Variants in GLIPR1L2 observed in about 807,000 individuals in gnomAD.
GLIPR1L2 encodes the protein GLIPR1-like protein 2.
A neutral mutation model predicts 28.4 loss-of-function variants in GLIPR1L2; 21 were observed. The observed-to-expected ratio is 0.74, with a 90% CI of 0.52 to 1.06. GLIPR1L2 has a LOEUF of 1.06. Ranked by LOEUF, GLIPR1L2 falls within the 50% of genes least tolerant of loss-of-function variation. The pLI is 0.00. For synonymous variants in GLIPR1L2, 145 were observed against 139.3 expected (o/e 1.04, Z -0.29); for missense variants, 476 against 416.9 (o/e 1.14, Z -1.23).
At chr12:75,401,555 A>T (rs1340884341) in intron 1 of GLIPR1L2, among the ~76,000 whole-genome samples, 4 of 152,162 alleles carry the variant, frequency 2.6e-5, no homozygotes, top group Middle Eastern at 6.8e-3. Flanking sequence ...TTTGACAAGT[A>T]AATTATATAT....
intron 1 of GLIPR1L2, among the ~76,000 whole-genome samples, chr12:75,400,402 G>A (rs566294802): frequency 1.3e-5 from 2 of 152,252 alleles, no homozygotes; most frequent in East Asian, 1.9e-4. Context: ...GATTACAGGC[G>A]TGAGCCACCG....
chr12:75,415,417 A>G (rs2045914001), intron 3 of GLIPR1L2, among the ~76,000 whole-genome samples: 2 of 152,084 alleles, frequency 1.3e-5, no homozygotes, highest in African/African-American at 4.8e-5. Context: ...CTACAGACTG[A>G]TATTTTGGAT....
At position 75,430,922 on chromosome 12, in the gene GLIPR1L2, C is replaced by T. The variant is rs1052046429; in HGVS notation, c.796C>T (p.Leu266=). 7 of 1,535,440 alleles carry T rather than the reference C, an allele frequency of 4.6e-6. No homozygotes were observed. Among genetic ancestry groups the T allele is most frequent in the Non-Finnish European group, 6.1e-6 (7 of 1,146,400 alleles). The part of the protein sequence containing the change: ...ILLLRILCFI[L]CVITVLIVQS... ...ATTATTGAGAATATTATGTTTTATCCTGTGTGTCATAACTGTTTTGATAGT... is the reference window on the plus strand; with the variant it reads ...ATTATTGAGAATATTATGTTTTATCTTGTGTGTCATAACTGTTTTGATAGT... The change falls in exon 6 of 6, where the codon CTG becomes TTG. Residue 266 remains leucine (L), a synonymous_variant. Transcript: ENST00000550916.
chr12:75,407,102 G>A (rs1304366886), intron 1 of GLIPR1L2, among the ~76,000 whole-genome samples: 2 of 152,042 alleles, frequency 1.3e-5, no homozygotes, highest in Non-Finnish European at 2.9e-5. Flanking sequence ...AATGTAGCAA[G>A]AACCCCCTCA....
chr12:75,430,896 T>C lies in GLIPR1L2; in HGVS notation c.770T>C (p.Leu257Ser), dbSNP rs1278278413. ...TGTGATCCACTGTGCACATTCATTT[T>C]ATTATTGAGAATATTATGTTTTATC... is the stretch of plus-strand genomic sequence containing the variant. The part of the protein sequence containing the change: ...VVCDPLCTFI[L>S]LLRILCFILC... Residue 257 changes from leucine to serine, a missense_variant, in exon 6 of 6, where the codon TTA (leucine) becomes TCA (serine). Leu to Ser is a moderately radical substitution (Grantham distance 145). Transcript: ENST00000550916. 6.5e-7 allele frequency: 1 copy of C among 1,536,034 alleles called. No individual in the cohort carries two copies. The highest frequency in any genetic ancestry group is 2.4e-5 in the East Asian group (1 of 40,904).
At chr12:75,398,029 T>TAAA (rs71078728) in intron 1 of GLIPR1L2, among the ~76,000 whole-genome samples, 1 of 138,212 alleles carries the variant, frequency 7.2e-6, no homozygotes, top group Non-Finnish European at 1.6e-5. Context: ...GCTGTGGATT[T>TAAA]AAAAAAAAAA....
intron 1 of GLIPR1L2, among the ~76,000 whole-genome samples, chr12:75,404,702 C>T (rs1174936611): frequency 6.6e-6 from 1 of 151,980 alleles, no homozygotes; most frequent in Non-Finnish European, 1.5e-5. Context: ...GTATTTAACC[C>T]TTTTTAGTTT....
In GLIPR1L2 at chr12:75,408,872, TAGAG is replaced by T. The variant is rs79987080; in HGVS notation, c.235-1558_235-1555del. Among the ~76,000 whole-genome samples the T allele has an allele frequency of 8.9e-3, 1,360 of 152,108 alleles. 9 individuals carry two copies. Among genetic ancestry groups the T allele is most frequent in the Middle Eastern group, 0.017 (5 of 294 alleles). On this transcript the variant is annotated intron_variant, in intron 1 of 5. Coordinates refer to ENST00000550916, the MANE Select transcript of GLIPR1L2 (RefSeq NM_001270396.2). Reference sequence around the variant, plus strand: ...GTGTATATGTTTGTAGATACAGAGATAGAGAGATGTATAAACAGGCAATTTTTTT... The same window carrying T: ...GTGTATATGTTTGTAGATACAGAGATAGATGTATAAACAGGCAATTTTTTT...
chr12:75,428,975 T>C (rs1206091080), intron 4 of GLIPR1L2, among the ~76,000 whole-genome samples: 1 of 152,198 alleles, frequency 6.6e-6, no homozygotes. Flanking sequence ...ACAAGTTTGC[T>C]GCAGGGGTGG....
Position 75,407,079 on chromosome 12 carries a change from A to G in GLIPR1L2, c.235-3355A>G, listed in dbSNP as rs1179684040. ...CTACACTGGCCTGTCTTCAGCAAGA[A>G]TCCTGTTAGATCAATGTAGCAAGAA... On this transcript the variant is annotated intron_variant, in intron 1 of 5. Transcript: ENST00000550916. Among the ~76,000 whole-genome samples the G allele has an allele frequency of 3.9e-5, 6 of 152,156 alleles. No homozygotes were observed. In the East Asian group the frequency reaches 7.7e-4, roughly 20 times the overall value.
chr12:75,403,309 T>A (rs1160530072), intron 1 of GLIPR1L2, among the ~76,000 whole-genome samples: 1 of 152,200 alleles, frequency 6.6e-6, no homozygotes, highest in African/African-American at 2.4e-5. Flanking sequence ...TTATTTCCTG[T>A]TCTTTCTTTC....
rs1460058469 is a variant in GLIPR1L2, at chr12:75,429,941, T to C, written c.671-774T>C. ...TTTCTTTTCTTTTCTTTTCTTTCTTTTTTTTTTTTTTTTGAGACAGAGTCT... is the reference window on the plus strand; with the variant it reads ...TTTCTTTTCTTTTCTTTTCTTTCTTCTTTTTTTTTTTTTGAGACAGAGTCT... On this transcript the variant is annotated intron_variant, in intron 4 of 5. Transcript: ENST00000550916. Among the ~76,000 whole-genome samples the C allele has an allele frequency of 2.8e-5, 4 of 143,642 alleles. 1 individual carries two copies. Among genetic ancestry groups the C allele is most frequent in the African/African-American group, 1.1e-4 (4 of 37,630 alleles). 94.2% of individuals were successfully genotyped at this position (143,642 alleles called of 152,430 possible). A position where few individuals can be genotyped will look rare whatever the true frequency, so the allele number is the denominator to read the frequency against.
At chr12:75,414,033 A>C (rs1399000567) in intron 3 of GLIPR1L2, among the ~76,000 whole-genome samples, 2 of 152,034 alleles carry the variant, frequency 1.3e-5, no homozygotes, top group Non-Finnish European at 2.9e-5. Context: ...GATGTGTTGA[A>C]ATTTATTTAG....
At chr12:75,410,707 T>A in intron 2 of GLIPR1L2, 28 bp downstream of exon 2, 1 of 1,492,590 alleles carries the variant, frequency 6.7e-7, no homozygotes. Flanking sequence ...TGTTATTAAT[T>A]CAAACACTTC....
At chr12:75,391,442 T>C in intron 1 of GLIPR1L2, 92 bp downstream of exon 1, 1 of 1,598,600 alleles carries the variant, frequency 6.3e-7, no homozygotes, top group East Asian at 2.3e-5. Flanking sequence ...GCTCTGAGGC[T>C]GAAGGATCGC....
At chr12:75,406,673 A>G (rs935278231) in intron 1 of GLIPR1L2, among the ~76,000 whole-genome samples, 1 of 150,286 alleles carries the variant, frequency 6.7e-6, no homozygotes, top group Non-Finnish European at 1.5e-5. Flanking sequence ...AAGGAGGATC[A>G]GTTGAGCCCG....
intron 1 of GLIPR1L2, among the ~76,000 whole-genome samples, chr12:75,398,677 T>C (rs2045708370): frequency 6.6e-6 from 1 of 152,208 alleles, no homozygotes; most frequent in Non-Finnish European, 1.5e-5. Flanking sequence ...GCTGTAGTTT[T>C]ATATGTAATA....
intron 3 of GLIPR1L2, among the ~76,000 whole-genome samples, chr12:75,417,756 T>C (rs1374755396): frequency 1.3e-5 from 2 of 150,876 alleles, no homozygotes; most frequent in Non-Finnish European, 3.0e-5. Flanking sequence ...TAGAATACTT[T>C]ATAATGTATC....
intron 4 of GLIPR1L2, among the ~76,000 whole-genome samples, chr12:75,426,582 T>C (rs965068270): frequency 1.3e-5 from 2 of 152,250 alleles, no homozygotes; most frequent in Admixed American, 1.3e-4. Context: ...TACCTGAAGC[T>C]ATACAGAGAA....
Sources: allele counts gnomAD v4.1 joint callset (sites outside exome capture counted in the v4.1 genomes callset), GRCh38; gene constraint gnomAD v4.1.1; transcripts MANE v1.5; gene names NCBI Gene and HGNC (gene_info 2026-07-23, HGNC 2026-07-21).